Variants in TEKT3 observed in about 807,000 individuals in gnomAD.
TEKT3 encodes the protein tektin 3, also known as tektin-3.
TEKT3 carries 49 observed loss-of-function variants against 49.8 expected under a neutral mutation model. The observed-to-expected ratio is 0.98, with a 90% CI of 0.78 to 1.25. The LOEUF (loss-of-function observed/expected upper bound fraction) is 1.25, where lower values mean the gene tolerates loss of function less well. TEKT3 is among the 50% of genes most tolerant of loss of function. The probability of loss-of-function intolerance (pLI) is 0.00; values close to 1 mark genes in which losing one functional copy is unlikely to be tolerated. For missense variants in TEKT3, 595 were observed against 629.5 expected, an observed-to-expected ratio of 0.95 and a Z score of 0.59; for synonymous variants, 225 against 237.2, an observed-to-expected ratio of 0.95 and a Z score of 0.47.
chr17:15,328,161 C>T (rs1911569192), intron 3 of TEKT3, 86 bp from the exon 4 acceptor site: 1 of 1,224,870 alleles, frequency 8.2e-7, no homozygotes, highest in East Asian at 2.4e-5. Flanking sequence ...AAAAATAAGT[C>T]AATAGATACT....
At chr17:15,318,025 C>T (rs556363063) in intron 5 of TEKT3, among the ~76,000 whole-genome samples, 260 of 144,480 alleles carry the variant, frequency 1.8e-3, no homozygotes, top group Non-Finnish European at 2.3e-3. Context: ...AGTCTCGCTC[C>T]GTCGCCCAGG....
Position 15,326,949 on chromosome 17 carries a change from A to G in TEKT3, c.663+1043T>C, listed in dbSNP as rs568513526. Among the ~76,000 whole-genome samples the G allele has an allele frequency of 2.0e-5, 3 of 152,320 alleles. 1 individual carries two copies. The South Asian group carries it at 6.2e-4, about 32-fold the overall frequency. On this transcript the variant is annotated intron_variant, in intron 4 of 8. Coordinates refer to ENST00000395930, the MANE Select transcript of TEKT3 (RefSeq NM_031898.3). ...TGCAGATGCAACTGTAAGTTTCTGG[A>G]TGGCAATTTGGCTACATATCAAAAG...
intron 4 of TEKT3, among the ~76,000 whole-genome samples, chr17:15,319,740 G>A (rs776582379): frequency 2.4e-4 from 36 of 152,210 alleles, no homozygotes; most frequent in Middle Eastern, 3.4e-3. Flanking sequence ...GACCACACAC[G>A]TTGCCTTTTG....
At chr17:15,323,748 G>T (rs191488514) in intron 4 of TEKT3, among the ~76,000 whole-genome samples, 5 of 152,216 alleles carry the variant, frequency 3.3e-5, no homozygotes, top group Admixed American at 1.3e-4. Context: ...TTCACTACTT[G>T]AATTAACTGG....
chr17:15,338,166 AT>A (rs1286600993), intron 2 of TEKT3, among the ~76,000 whole-genome samples: 5 of 152,238 alleles, frequency 3.3e-5, no homozygotes, highest in African/African-American at 1.2e-4. Flanking sequence ...AGTAAACAAA[AT>A]ATTGGTTAAT....
chr17:15,311,707 A>G (rs1466549113), intron 7 of TEKT3, among the ~76,000 whole-genome samples: 2 of 152,234 alleles, frequency 1.3e-5, no homozygotes, highest in Non-Finnish European at 2.9e-5. Flanking sequence ...TAAGAGCTCC[A>G]AGACTGATAT....
chr17:15,304,185 A>G lies in TEKT3; in HGVS notation c.1257-33T>C. 6.2e-7 allele frequency: 1 copy of G among 1,609,136 alleles called. No individual in the cohort carries two copies. Among genetic ancestry groups the G allele is most frequent in the Non-Finnish European group, 8.5e-7 (1 of 1,175,676 alleles). ...ATAAAGGAATCAGCATGGTTAGGTC[A>G]GCATGTAGCTTACGCAACTCCAAGT... On this transcript the variant is annotated intron_variant, in intron 8 of 8. Transcript: ENST00000395930. The surrounding 1 kb of genome is among the most constrained non-coding windows in gnomAD (Gnocchi z 4.7).
intron 2 of TEKT3, among the ~76,000 whole-genome samples, chr17:15,336,280 G>A (rs373824678): frequency 1.6e-3 from 239 of 152,258 alleles, no homozygotes; most frequent in African/African-American, 5.4e-3. Flanking sequence ...CTGAATTATT[G>A]TCAGAAACTA....
chr17:15,308,646 CT>C lies in TEKT3; in HGVS notation c.1256+17del, dbSNP rs1417453576. Reference sequence around the variant, plus strand: ...GTGGCCCTCCGAGCGAGCCCCGAGCCTTCCCCTCCCACCTTACCGTAGCTGA... The same window carrying C: ...GTGGCCCTCCGAGCGAGCCCCGAGCCTCCCCTCCCACCTTACCGTAGCTGA... On this transcript the variant is annotated intron_variant, in intron 8 of 8. Coordinates refer to ENST00000395930, the MANE Select transcript of TEKT3 (RefSeq NM_031898.3). The C allele has an allele frequency of 6.3e-7, 1 of 1,596,350 alleles. No homozygotes were observed. Among genetic ancestry groups the C allele is most frequent in the African/African-American group, 1.3e-5 (1 of 74,734 alleles).
chr17:15,322,323 A>C (rs1911303818), intron 4 of TEKT3, among the ~76,000 whole-genome samples: 1 of 152,232 alleles, frequency 6.6e-6, no homozygotes, highest in Non-Finnish European at 1.5e-5. Context: ...ACCAGAGGCA[A>C]GTAATAAACT....
chr17:15,334,027 T>A (rs926360057), intron 2 of TEKT3, among the ~76,000 whole-genome samples: 13 of 152,030 alleles, frequency 8.6e-5, no homozygotes, highest in African/African-American at 3.1e-4. Context: ...CCTCTCAAAG[T>A]GCTGGGATTA....
chr17:15,305,900 T>C (rs1910525098), intron 8 of TEKT3, among the ~76,000 whole-genome samples: 1 of 152,088 alleles, frequency 6.6e-6, no homozygotes. Flanking sequence ...TCATCGTTAA[T>C]TAGAAATATA....
intron 7 of TEKT3, among the ~76,000 whole-genome samples, chr17:15,310,590 C>A (rs1007229327): frequency 6.6e-6 from 1 of 152,068 alleles, no homozygotes; most frequent in Non-Finnish European, 1.5e-5. Context: ...AAAACCAACC[C>A]TGCCGGCACC....
intron 4 of TEKT3, among the ~76,000 whole-genome samples, chr17:15,323,518 G>C (rs1911355297): frequency 6.6e-6 from 1 of 152,166 alleles, no homozygotes; most frequent in African/African-American, 2.4e-5. Flanking sequence ...CATCCTGTAA[G>C]AATTTATCAA....
chr17:15,316,413 T>C (rs1689940494), intron 5 of TEKT3, among the ~76,000 whole-genome samples: 1 of 151,994 alleles, frequency 6.6e-6, no homozygotes, highest in South Asian at 2.1e-4. Flanking sequence ...GCTGGAACAG[T>C]GGTTGAAAAC....
chr17:15,315,303 GATC>G (rs1910951769), intron 5 of TEKT3, among the ~76,000 whole-genome samples: 2 of 152,208 alleles, frequency 1.3e-5, no homozygotes, highest in African/African-American at 4.8e-5. Context: ...GGAGGAATCA[GATC>G]ATGCAGGGCC....
intron 2 of TEKT3, 133 bp from the exon 3 acceptor site, chr17:15,331,747 G>T: frequency 3.1e-6 from 2 of 646,254 alleles, no homozygotes; most frequent in South Asian, 2.4e-5. Context: ...GTTCTCATTT[G>T]TTATCCACAT....
intron 8 of TEKT3, among the ~76,000 whole-genome samples, chr17:15,306,089 A>ATATATG (rs1291765039): frequency 6.9e-6 from 1 of 144,314 alleles, no homozygotes; most frequent in African/African-American, 2.6e-5. Context: ...ATTTATATAT[A>ATATATG]TGTGTGTGTG....
At chr17:15,337,193 A>G (rs933763034) in intron 2 of TEKT3, among the ~76,000 whole-genome samples, 3 of 152,118 alleles carry the variant, frequency 2.0e-5, no homozygotes, top group Non-Finnish European at 2.9e-5. Context: ...TATAATCCAC[A>G]TAAGTAAAAG....
Sources: gnomAD v4.1 joint callset for allele counts (sites outside exome capture counted in the v4.1 genomes callset) on GRCh38, gnomAD v4.1.1 for gene constraint, Gnocchi (gnomAD v3.1) non-coding constraint, MANE v1.5 for transcripts, NCBI Gene and HGNC (gene_info 2026-07-23, HGNC 2026-07-21) for gene names.